Variants in ARHGAP20 observed in about 807,000 individuals in gnomAD.
ARHGAP20 encodes the protein Rho GTPase activating protein 20.
A neutral mutation model predicts 73.7 loss-of-function variants in ARHGAP20; 34 were observed. That is an observed-to-expected ratio of 0.46 (90% CI 0.35 to 0.61). The LOEUF (loss-of-function observed/expected upper bound fraction) is 0.61. Among genes scored for constraint, ARHGAP20 ranks in the 20% least tolerant of loss-of-function variants. The probability of loss-of-function intolerance (pLI) is 0.00; values close to 1 mark genes in which losing one functional copy is unlikely to be tolerated. For synonymous variants in ARHGAP20, 523 were observed against 518.2 expected (o/e 1.01, Z -0.13); for missense variants, 1,314 against 1,420.9 (o/e 0.92, Z 1.21).
At position 110,609,029 on chromosome 11, in the gene ARHGAP20, A is replaced by G. The variant is rs775772449; in HGVS notation, c.730T>C (p.Leu244=). 1.2e-6 allele frequency: 2 copies of G among 1,613,744 alleles called. No individual in the cohort carries two copies. The highest frequency in any genetic ancestry group is 2.2e-5 in the South Asian group (2 of 91,050). Residue 244 remains leucine (L), a synonymous_variant, in exon 8 of 15, where the codon TTG becomes CTG. Coordinates refer to ENST00000683387, the MANE Select transcript of ARHGAP20 (RefSeq NM_001384657.1). The part of the protein sequence containing the change: ...GITGSERDYQ[L]WVNSGKEEAP... ...TCTTCTTTGCCAGAATTGACCCACA[A>G]CTGGTAATCTCTCTCAGAGCCCTTA...
At chr11:110,582,742 C>T (rs2134785045) in intron 13 of ARHGAP20, among the ~76,000 whole-genome samples, 1 of 152,296 alleles carries the variant, frequency 6.6e-6, no homozygotes, top group Admixed American at 6.5e-5. Context: ...TATAAAGCAT[C>T]ATTAGACAAA....
chr11:110,682,364 T>C (rs2135096523), intron 2 of ARHGAP20, among the ~76,000 whole-genome samples: 1 of 152,272 alleles, frequency 6.6e-6, no homozygotes, highest in East Asian at 1.9e-4. Flanking sequence ...TAAAATCCTA[T>C]GAGGTAGGTA....
At chr11:110,698,892 C>A (rs868798780) in intron 1 of ARHGAP20, among the ~76,000 whole-genome samples, 1 of 151,512 alleles carries the variant, frequency 6.6e-6, no homozygotes, top group African/African-American at 2.4e-5. Context: ...TCCTTTATAT[C>A]TTTTTTTGTC....
chr11:110,710,727 G>A (rs1160218843), intron 1 of ARHGAP20, among the ~76,000 whole-genome samples: 2 of 152,110 alleles, frequency 1.3e-5, no homozygotes, highest in Non-Finnish European at 2.9e-5. Flanking sequence ...CCCCTAGATG[G>A]CTCCGTGACA....
intron 2 of ARHGAP20, among the ~76,000 whole-genome samples, chr11:110,681,321 T>C (rs986143131): frequency 6.6e-6 from 1 of 152,232 alleles, no homozygotes; most frequent in African/African-American, 2.4e-5. Context: ...TACCTAGGTA[T>C]AGAAAGTTTA....
intron 2 of ARHGAP20, among the ~76,000 whole-genome samples, chr11:110,648,225 A>ATATATATATATGTAAATATATATATG (rs1949261099): frequency 1.3e-4 from 12 of 95,720 alleles, no homozygotes; most frequent in Non-Finnish European, 1.9e-4. Flanking sequence ...ATATATGTAT[A>ATATATATATATGTAAATATATATATG]TATATATATA....
At chr11:110,699,853 G>T (rs988432417) in intron 1 of ARHGAP20, among the ~76,000 whole-genome samples, 5 of 151,902 alleles carry the variant, frequency 3.3e-5, no homozygotes, top group African/African-American at 1.2e-4. Flanking sequence ...CTCAATAGTT[G>T]TGTATTAAGT....
chr11:110,653,020 G>A (rs762932398), intron 2 of ARHGAP20, among the ~76,000 whole-genome samples: 1 of 152,058 alleles, frequency 6.6e-6, no homozygotes, highest in Non-Finnish European at 1.5e-5. Flanking sequence ...AGCCATATAC[G>A]CAGAGAATTG....
Position 110,643,095 on chromosome 11 carries a change from T to C in ARHGAP20, c.189-12303A>G, listed in dbSNP as rs191569470. 2.2e-3 allele frequency among the ~76,000 whole-genome samples: 333 copies of C among 152,164 alleles called. 1 individual carries two copies. The highest frequency in any genetic ancestry group is 5.2e-3 in the Admixed American group (79 of 15,242). ...GCTGTTCATAATAGTCTCAGGATCT[T>C]TTGGATTTCTGTGAGATTGGTTGTA... On this transcript the variant is annotated intron_variant, in intron 2 of 14. Transcript: ENST00000683387.
intron 4 of ARHGAP20, 70 bp from the exon 5 acceptor site, chr11:110,615,664 G>A: frequency 7.3e-7 from 1 of 1,378,630 alleles, no homozygotes; most frequent in Non-Finnish European, 1.0e-6. Context: ...ATTTAGGATT[G>A]TCAATCCAGA....
At chr11:110,655,399 G>A (rs1345069893) in intron 2 of ARHGAP20, among the ~76,000 whole-genome samples, 1 of 152,154 alleles carries the variant, frequency 6.6e-6, no homozygotes. Flanking sequence ...AATCTGGAGA[G>A]AGGAAGCATG....
chr11:110,699,346 T>C (rs1238143393), intron 1 of ARHGAP20, among the ~76,000 whole-genome samples: 1 of 151,918 alleles, frequency 6.6e-6, no homozygotes, highest in Non-Finnish European at 1.5e-5. Context: ...TAATGGAGAA[T>C]GCTCCATGCA....
At position 110,593,633 on chromosome 11, in the gene ARHGAP20, T is replaced by G. The variant is rs1488903200; in HGVS notation, c.965-1478A>C. Among the ~76,000 whole-genome samples, 3 of 152,344 alleles carry G rather than the reference T, an allele frequency of 2.0e-5. No homozygotes were observed. The East Asian group carries it at 5.8e-4, about 29-fold the overall frequency. On this transcript the variant is annotated intron_variant, in intron 9 of 14. Transcript: ENST00000683387. ...AAGTTGAGAAGAAACCTACTCTTAC[T>G]GGCTTGAAGAACTAGAGAAGGGAGA...
At chr11:110,618,088 C>T (rs1187729223) in intron 4 of ARHGAP20, among the ~76,000 whole-genome samples, 1 of 152,056 alleles carries the variant, frequency 6.6e-6, no homozygotes, top group East Asian at 1.9e-4. Context: ...AGATACCTTC[C>T]ACCCACCCCC....
intron 1 of ARHGAP20, among the ~76,000 whole-genome samples, chr11:110,710,013 C>A (rs1417200298): frequency 1.3e-5 from 2 of 152,132 alleles, no homozygotes; most frequent in African/African-American, 4.8e-5. Context: ...ATTCAAGACA[C>A]GTTCGGATTG....
chr11:110,582,508 C>A, intron 13 of ARHGAP20, 73 bp from the exon 14 acceptor site: 4 of 1,039,572 alleles, frequency 3.8e-6, no homozygotes, highest in East Asian at 5.0e-5. Flanking sequence ...ATATATAAAT[C>A]CTGATTTTTA....
chr11:110,690,283 T>G (rs1420761434), intron 2 of ARHGAP20, among the ~76,000 whole-genome samples: 2 of 152,196 alleles, frequency 1.3e-5, no homozygotes, highest in African/African-American at 2.4e-5. Context: ...ATAAGTAAAC[T>G]TTGTTAAAAT....
In ARHGAP20 at chr11:110,579,730, C is replaced by T. The variant is rs753328755; in HGVS notation, c.3216G>A (p.Glu1072=). The T allele has an allele frequency of 3.7e-6, 6 of 1,614,010 alleles. No individual in the cohort carries two copies. The East Asian group carries it at 8.9e-5, about 24-fold the overall frequency. ...GAACACCAGAAGCATGTGGGGGTGG[C>T]TCTAAGGGTCCTTTTGGAGAAGCTA... is the stretch of plus-strand genomic sequence containing the variant. The part of the protein sequence containing the change: ...EKIASPKGPL[E]PPPHASGVPE... The change falls in exon 15 of 15, where the codon GAG becomes GAA. Residue 1072 remains glutamate (E), a synonymous_variant. Coordinates refer to ENST00000683387, the MANE Select transcript of ARHGAP20 (RefSeq NM_001384657.1).
At position 110,690,549 on chromosome 11, in the gene ARHGAP20, GGTA is replaced by G. The variant is rs1950221494; in HGVS notation, c.183_185del (p.Thr62del). On this transcript the variant is annotated inframe_deletion, in exon 2 of 15. Coordinates refer to ENST00000683387, the MANE Select transcript of ARHGAP20 (RefSeq NM_001384657.1). The stretch of plus-strand genomic sequence containing the variant: ...GTAATACAAAGCTTTGCACTTACCT[GGTA>G]GTAGGCCGTTTTTGTAGGGCTTTAT... 1 of 1,613,500 alleles carries G rather than the reference GGTA, an allele frequency of 6.2e-7. No individual in the cohort carries two copies. The highest frequency in any genetic ancestry group is 8.5e-7 in the Non-Finnish European group (1 of 1,179,472).
Sources: allele counts gnomAD v4.1 joint callset (sites outside exome capture counted in the v4.1 genomes callset), GRCh38; gene constraint gnomAD v4.1.1; transcripts MANE v1.5; gene names NCBI Gene and HGNC (gene_info 2026-07-23, HGNC 2026-07-21).